The following PHF12 variants were observed in gnomAD, a reference collection of about 807,000 sequenced individuals.
PHF12 encodes the protein PHD factor 1.
A neutral mutation model predicts 99.8 loss-of-function variants in PHF12; 6 were observed. That is an observed-to-expected ratio of 0.06 (90% CI 0.03 to 0.12). The LOEUF (loss-of-function observed/expected upper bound fraction) is 0.12. Ranked by LOEUF, PHF12 falls within the 10% of genes least tolerant of loss-of-function variation. The pLI is 1.00. For synonymous variants in PHF12, 480 were observed against 514.9 expected, an observed-to-expected ratio of 0.93 and a Z score of 0.92; for missense variants, 954 against 1,300.1, an observed-to-expected ratio of 0.73 and a Z score of 4.09.
At chr17:28,916,810 T>C (rs960175034) in intron 7 of PHF12, among the ~76,000 whole-genome samples, 8 of 152,250 alleles carry the variant, frequency 5.3e-5, no homozygotes, top group Non-Finnish European at 1.2e-4. Context: ...ATTGGTGATA[T>C]ATTAACAGCA....
At chr17:28,907,096 G>A in intron 13 of PHF12, 102 bp from the exon 14 acceptor site, 1 of 1,358,856 alleles carries the variant, frequency 7.4e-7, no homozygotes, top group Non-Finnish European at 1.0e-6. Flanking sequence ...TCTACCTAGA[G>A]AGTCCTTACT....
At chr17:28,924,352 G>C (rs1290513323) in intron 3 of PHF12, 50 bp from the exon 4 acceptor site, 2 of 1,612,616 alleles carry the variant, frequency 1.2e-6, no homozygotes, top group East Asian at 2.2e-5. Flanking sequence ...ATGAAACAAA[G>C]AGATGGGTGC....
rs1034775033 is a variant in PHF12 at position 28,906,437 on chromosome 17, G to A, written c.2761C>T (p.Arg921Trp). Residue 921 changes from arginine to tryptophan, a missense_variant, in exon 15 of 15, where the codon CGG becomes TGG. Arg to Trp is a moderately radical substitution (Grantham distance 101). This residue lies in a region of PHF12 where 136 missense variants were observed against 172.3 expected (regional missense o/e 0.79). Transcript: ENST00000332830. The surrounding 1 kb of genome is among the most constrained non-coding windows in gnomAD (Gnocchi z 4.2). ...CTGGCTTTGCAATTGCAGGGTCTCCGCTGCGGCCCCTGGGCCTGGGAACTC... is the reference window on the plus strand; with the variant it reads ...CTGGCTTTGCAATTGCAGGGTCTCCACTGCGGCCCCTGGGCCTGGGAACTC... ...MMSSQAQGPQRRPCNCKASSS... is the reference protein window; with the variant it reads ...MMSSQAQGPQWRPCNCKASSS... The A allele has an allele frequency of 1.1e-5, 17 of 1,613,972 alleles. No individual in the cohort carries two copies. The highest frequency in any genetic ancestry group is 2.2e-5 in the East Asian group (1 of 44,904).
chr17:28,951,429 T>C lies in PHF12; in HGVS notation c.-469A>G. The C allele has an allele frequency of 1.0e-6, 1 of 986,982 alleles. No homozygotes were observed. The highest frequency in any genetic ancestry group is 1.2e-6 in the Non-Finnish European group (1 of 830,996). 61.1% of individuals were successfully genotyped at this position (986,982 alleles called of 1,614,324 possible). A position where few individuals can be genotyped will look rare whatever the true frequency, so the allele number is the denominator to read the frequency against. ...GCTCCGCCTCTCGCCGCCGCCGCCG[T>C]CTGCGTCCCGGCTGCCGCGCACTTG... On this transcript the variant is annotated 5_prime_UTR_variant, in exon 1 of 15. Transcript: ENST00000332830.
chr17:28,941,039 CTT>C (rs34310397), intron 2 of PHF12, among the ~76,000 whole-genome samples: 62 of 134,290 alleles, frequency 4.6e-4, no homozygotes, highest in South Asian at 1.4e-3. Flanking sequence ...GGAAAACAGA[CTT>C]TTTTTTTTTT....
intron 4 of PHF12, among the ~76,000 whole-genome samples, 198 bp from the exon 5 acceptor site, chr17:28,922,006 C>T (rs958906275): frequency 1.1e-4 from 17 of 152,216 alleles, no homozygotes; most frequent in African/African-American, 3.4e-4. Flanking sequence ...GAGACTAATA[C>T]GTAAGTCAGA....
chr17:28,926,702 G>A (rs1048358313), intron 3 of PHF12: 31 of 1,162,112 alleles, frequency 2.7e-5, no homozygotes, highest in Non-Finnish European at 3.1e-5. Flanking sequence ...CATGGATAAG[G>A]CCACTTATTA....
intron 9 of PHF12, chr17:28,911,485 GA>G: frequency 2.1e-6 from 1 of 468,778 alleles, no homozygotes; most frequent in Admixed American, 3.7e-5. Context: ...CTGCTCTGGG[GA>G]AAGTGGTGGG....
At chr17:28,947,134 C>A (rs559002499) in intron 2 of PHF12, among the ~76,000 whole-genome samples, 49 of 151,530 alleles carry the variant, frequency 3.2e-4, no homozygotes, top group African/African-American at 1.1e-3. Flanking sequence ...CAGGCTCGTG[C>A]CACCACACCC....
At chr17:28,920,236 T>A (rs1021042209) in intron 5 of PHF12, among the ~76,000 whole-genome samples, 10 of 152,216 alleles carry the variant, frequency 6.6e-5, no homozygotes, top group African/African-American at 2.2e-4. Context: ...CTCTACTATC[T>A]AGTTCCCTTT....
rs1035680299 is a variant in PHF12 at position 28,921,896 on chromosome 17, G to A, written c.716-88C>T. ...GAAACAACATTAAGTGACAAAAACA[G>A]ATCTTAAGCATGTGTCATGGCCTAA... is the stretch of plus-strand genomic sequence containing the variant. On this transcript the variant is annotated intron_variant, in intron 4 of 14. Transcript: ENST00000332830. 3 of 1,559,896 alleles carry A rather than the reference G, an allele frequency of 1.9e-6. No homozygotes were observed. The African/African-American group carries it at 4.1e-5, about 21-fold the overall frequency.
chr17:28,921,690 G>C lies in PHF12; in HGVS notation c.834C>G (p.Asn278Lys). The C allele has an allele frequency of 6.2e-7, 1 of 1,613,910 alleles. No homozygotes were observed. The highest frequency in any genetic ancestry group is 8.5e-7 in the Non-Finnish European group (1 of 1,179,828). The change falls in exon 5 of 15, where the codon AAC (asparagine) becomes AAG (lysine). Residue 278 changes from asparagine (N) to lysine (K), a missense_variant and splice_region_variant. Physicochemically the swap from Asn to Lys is moderately conservative, Grantham distance 94. Transcript: ENST00000332830. Reference protein sequence around the residue: ...PLPVKVCFTCNRSCRVAPLIQ... With the variant: ...PLPVKVCFTCKRSCRVAPLIQ... ...CCCCTTAGTATGAAAGAAAATACCT[G>C]TTACACGTGAAGCAGACTTTGACGG...
In PHF12 at chr17:28,919,769, C is replaced by CA. The variant is rs550390559; in HGVS notation, c.837-495dup. 2.7e-4 allele frequency among the ~76,000 whole-genome samples: 41 copies of CA among 152,074 alleles called. 1 individual carries two copies. The South Asian group carries it at 3.9e-3, about 15-fold the overall frequency. On this transcript the variant is annotated intron_variant, in intron 5 of 14. Coordinates refer to ENST00000332830, the MANE Select transcript of PHF12 (RefSeq NM_001033561.2). Reference sequence around the variant, plus strand: ...CAAAACAAAACAGAACACAACAAAACAAAAAAACAACATGGATGGATTTGG... The same window carrying CA: ...CAAAACAAAACAGAACACAACAAAACAAAAAAAACAACATGGATGGATTTGG...
intron 6 of PHF12, 70 bp from the exon 7 acceptor site, chr17:28,917,519 C>T: frequency 6.7e-7 from 1 of 1,500,528 alleles, no homozygotes; most frequent in Non-Finnish European, 8.9e-7. Flanking sequence ...TAACCCCATT[C>T]CCTGTGTTTA....
At chr17:28,922,691 A>C (rs191517925) in intron 4 of PHF12, among the ~76,000 whole-genome samples, 31 of 152,312 alleles carry the variant, frequency 2.0e-4, no homozygotes, top group Admixed American at 1.5e-3. Context: ...TTTGGAACCT[A>C]AATGTCCATT....
At position 28,906,170 on chromosome 17, in the gene PHF12, G is replaced by T. The variant is rs888655012; in HGVS notation, c.*13C>A. The T allele has an allele frequency of 2.6e-5, 40 of 1,555,632 alleles. No individual in the cohort carries two copies. The highest frequency in any genetic ancestry group is 3.5e-5 in the Non-Finnish European group (40 of 1,145,738). ...GGTGGGTGTACAGGCCAGTGGCGGG[G>T]TAGCCGCCAGTCCTAAGGAACAGAG... is the stretch of plus-strand genomic sequence containing the variant. On this transcript the variant is annotated 3_prime_UTR_variant, in exon 15 of 15. Transcript: ENST00000332830. This position sits in a 1 kb window ranked among gnomAD's most constrained non-coding sequence, Gnocchi z 4.2.
At chr17:28,910,891 T>A (rs2039947448) in intron 10 of PHF12, 1 of 559,984 alleles carries the variant, frequency 1.8e-6, no homozygotes, top group Non-Finnish European at 3.0e-6. Flanking sequence ...TCCCTTCATC[T>A]TTGATTATGT....
At chr17:28,933,061 G>GA (rs1005882922) in intron 2 of PHF12, among the ~76,000 whole-genome samples, 77 of 152,178 alleles carry the variant, frequency 5.1e-4, no homozygotes, top group African/African-American at 1.8e-3. Context: ...TGCCTGTCAA[G>GA]AAAAAAAGGC....
At chr17:28,935,311 G>A (rs941092300) in intron 2 of PHF12, among the ~76,000 whole-genome samples, 17 of 152,096 alleles carry the variant, frequency 1.1e-4, no homozygotes, top group Admixed American at 6.6e-5. Context: ...TCACTCTGTC[G>A]CCCAGGCTGG....
Sources: gnomAD v4.1 joint callset for allele counts (sites outside exome capture counted in the v4.1 genomes callset) on GRCh38, gnomAD v4.1.1 for gene constraint, gnomAD v4.1.1 regional missense constraint, Gnocchi (gnomAD v3.1) non-coding constraint, MANE v1.5 for transcripts, NCBI Gene and HGNC (gene_info 2026-07-23, HGNC 2026-07-21) for gene names.